Variants in MBTD1 observed in about 807,000 individuals in gnomAD.
The protein encoded by MBTD1 is mbt domain containing 1.
A neutral mutation model predicts 87.8 loss-of-function variants in MBTD1; 24 were observed. The observed-to-expected ratio is 0.27, with a 90% CI of 0.20 to 0.38. The LOEUF is 0.38. Among genes scored for constraint, MBTD1 ranks in the 10% least tolerant of loss-of-function variants. The probability of loss-of-function intolerance (pLI) is 1.00; values close to 1 mark genes in which losing one functional copy is unlikely to be tolerated. For missense variants in MBTD1, 436 were observed against 760.2 expected (o/e 0.57, Z 5.02); for synonymous variants, 237 against 248.6 (o/e 0.95, Z 0.44).
At chr17:51,206,781 C>G (rs76110447) in intron 7 of MBTD1, 107 bp downstream of exon 7, 9,430 of 727,692 alleles carry the variant, frequency 0.013, 76 homozygotes, top group Middle Eastern at 0.019. Context: ...TATATCATAA[C>G]ATATTTTTTA....
At chr17:51,223,819 G>T (rs531583587) in intron 3 of MBTD1, among the ~76,000 whole-genome samples, 1 of 152,218 alleles carries the variant, frequency 6.6e-6, no homozygotes, top group East Asian at 1.9e-4. Context: ...TTGGGCATCA[G>T]AGTGAGACTG....
At chr17:51,201,718 C>T in intron 11 of MBTD1, 22 bp from the exon 12 acceptor site, 1 of 1,370,152 alleles carries the variant, frequency 7.3e-7, no homozygotes, top group Non-Finnish European at 1.0e-6. Flanking sequence ...TATGAAAGCA[C>T]ATCTACTGTT....
chr17:51,234,400 C>CA (rs71149356), intron 2 of MBTD1, among the ~76,000 whole-genome samples: 22,586 of 68,366 alleles, frequency 0.33, 3,369 homozygotes, highest in Non-Finnish European at 0.44. Context: ...TCCCCGTCTC[C>CA]AAAAAAAAAA....
chr17:51,180,117 A>C lies in MBTD1; in HGVS notation c.*459T>G, dbSNP rs1424966534. The C allele has an allele frequency of 6.4e-6, 1 of 155,270 alleles. No individual in the cohort carries two copies. Among genetic ancestry groups the C allele is most frequent in the Non-Finnish European group, 1.4e-5 (1 of 70,388 alleles). 9.6% of individuals were successfully genotyped at this position (155,270 alleles called of 1,614,324 possible). ...CAGTTGCATATTTCTGCAGCAAAAG[A>C]AGCTGGAGATGTGACTGGCCTAACT... On this transcript the variant is annotated 3_prime_UTR_variant, in exon 17 of 17. Transcript: ENST00000586178.
intron 2 of MBTD1, among the ~76,000 whole-genome samples, chr17:51,246,290 T>C (rs2054429825): frequency 6.6e-6 from 1 of 152,202 alleles, no homozygotes; most frequent in Admixed American, 6.5e-5. Flanking sequence ...CAAGTAAGGT[T>C]TGTGTACTCT....
At chr17:51,252,476 A>G (rs1319530272) in intron 2 of MBTD1, among the ~76,000 whole-genome samples, 1 of 152,144 alleles carries the variant, frequency 6.6e-6, no homozygotes, top group Non-Finnish European at 1.5e-5. Flanking sequence ...CTGTAATCCT[A>G]GCACTTTGGG....
chr17:51,210,142 C>T (rs1206759800), intron 6 of MBTD1, among the ~76,000 whole-genome samples: 1 of 152,058 alleles, frequency 6.6e-6, no homozygotes, highest in East Asian at 1.9e-4. Flanking sequence ...GCTGGGATTA[C>T]AGGCGCATGC....
In MBTD1 at chr17:51,181,294, G is replaced by C. The variant is rs370182065; in HGVS notation, c.1769-600C>G. On this transcript the variant is annotated intron_variant, in intron 16 of 16. Transcript: ENST00000586178. Reference sequence around the variant, plus strand: ...CCCACCTCAGCCTCCCAAAGTGCTGGGATGACAGGCGTGAGCCACCGTGCC... The same window carrying C: ...CCCACCTCAGCCTCCCAAAGTGCTGCGATGACAGGCGTGAGCCACCGTGCC... Among the ~76,000 whole-genome samples the C allele has an allele frequency of 1.0e-3, 152 of 152,114 alleles. 1 individual carries two copies. Among genetic ancestry groups the C allele is most frequent in the Middle Eastern group, 3.4e-3 (1 of 294 alleles).
intron 3 of MBTD1, among the ~76,000 whole-genome samples, chr17:51,222,860 G>A (rs1162535414): frequency 6.6e-6 from 1 of 151,240 alleles, no homozygotes; most frequent in Non-Finnish European, 1.5e-5. Context: ...GAGTGCAGTG[G>A]CGTGATCTCA....
rs2050241656 is a variant in MBTD1 at position 51,179,797 on chromosome 17, G to GAC, written c.*777_*778dup. 1 of 151,606 alleles carries GAC rather than the reference G, an allele frequency of 6.6e-6. No individual in the cohort carries two copies. Among genetic ancestry groups the GAC allele is most frequent in the African/African-American group, 2.4e-5 (1 of 41,280 alleles). The allele number at this position is 151,606 out of a possible 1,614,324, so 9.4% of individuals were successfully genotyped here. A position where few individuals can be genotyped will look rare whatever the true frequency, so the allele number is the denominator to read the frequency against. On this transcript the variant is annotated 3_prime_UTR_variant, in exon 17 of 17. Coordinates refer to ENST00000586178, the MANE Select transcript of MBTD1 (RefSeq NM_017643.3). ...TTTTTAGAAAGGAAAATAAACTAAGGACAACATTACATTTTCCCCAACCCC... is the reference window on the plus strand; with the variant it reads ...TTTTTAGAAAGGAAAATAAACTAAGGACACAACATTACATTTTCCCCAACCCC...
chr17:51,230,941 A>C (rs1269962942), intron 2 of MBTD1, among the ~76,000 whole-genome samples: 1 of 151,718 alleles, frequency 6.6e-6, no homozygotes, highest in Non-Finnish European at 1.5e-5. Flanking sequence ...CTATACTCAT[A>C]GTTTTTTTTG....
intron 7 of MBTD1, 30 bp from the exon 8 acceptor site, chr17:51,203,955 T>G: frequency 6.5e-7 from 1 of 1,535,416 alleles, no homozygotes; most frequent in Non-Finnish European, 8.8e-7. Flanking sequence ...CACTACATAA[T>G]AAGAAAATAA....
chr17:51,229,821 C>G (rs1054198929), intron 2 of MBTD1, among the ~76,000 whole-genome samples: 2 of 151,904 alleles, frequency 1.3e-5, no homozygotes, highest in East Asian at 3.9e-4. Context: ...CCACCACGCC[C>G]GGCTAATTTT....
At chr17:51,199,988 T>A (rs549148095) in intron 12 of MBTD1, among the ~76,000 whole-genome samples, 1 of 152,012 alleles carries the variant, frequency 6.6e-6, no homozygotes, top group East Asian at 1.9e-4. Flanking sequence ...CCACGCCTAG[T>A]TAAATTTTTT....
intron 1 of MBTD1, among the ~76,000 whole-genome samples, 166 bp from the exon 2 acceptor site, chr17:51,259,372 C>G (rs1454919474): frequency 6.6e-6 from 1 of 152,110 alleles, no homozygotes; most frequent in Non-Finnish European, 1.5e-5. Context: ...TCCACCTCCA[C>G]GTGCAAACCG....
At chr17:51,220,117 G>C (rs924573481) in intron 4 of MBTD1, among the ~76,000 whole-genome samples, 9 of 152,178 alleles carry the variant, frequency 5.9e-5, no homozygotes, top group African/African-American at 2.2e-4. Context: ...GCAAATAATA[G>C]TTTATTTGGA....
At position 51,221,326 on chromosome 17, in the gene MBTD1, A is replaced by G. The variant is rs532919883; in HGVS notation, c.155-863T>C. Among the ~76,000 whole-genome samples the G allele has an allele frequency of 5.9e-5, 9 of 152,256 alleles. No individual in the cohort carries two copies. In the East Asian group the frequency reaches 1.7e-3, roughly 29 times the overall value. ...AACAAAAAACAAAACAAAACAAACA[A>G]ACAAAAAACAAAACAAGTTTGACGT... On this transcript the variant is annotated intron_variant, in intron 3 of 16. Coordinates refer to ENST00000586178, the MANE Select transcript of MBTD1 (RefSeq NM_017643.3).
intron 6 of MBTD1, among the ~76,000 whole-genome samples, chr17:51,210,757 AAACAACAAC>A (rs71149353): frequency 0.15 from 22,695 of 149,556 alleles, 1,921 homozygotes; most frequent in African/African-American, 0.22. Flanking sequence ...CTCTGTCTCA[AAACAACAAC>A]AACAACAACA....
intron 6 of MBTD1, among the ~76,000 whole-genome samples, chr17:51,214,050 T>C (rs2052419859): frequency 6.6e-6 from 1 of 152,192 alleles, no homozygotes; most frequent in Admixed American, 6.5e-5. Context: ...TGTGTGTGTA[T>C]GTGTGTATAT....
Sources: allele counts gnomAD v4.1 joint callset (sites outside exome capture counted in the v4.1 genomes callset), GRCh38; gene constraint gnomAD v4.1.1; transcripts MANE v1.5; gene names NCBI Gene and HGNC (gene_info 2026-07-23, HGNC 2026-07-21).